Variants in CLEC4A observed in about 807,000 individuals in gnomAD.
CLEC4A encodes the protein C-type lectin domain family 4 member A.
A neutral mutation model predicts 32.7 loss-of-function variants in CLEC4A; 27 were observed. That is an observed-to-expected ratio of 0.83 (90% CI 0.61 to 1.14). The LOEUF is 1.14. CLEC4A is among the 50% of genes most tolerant of loss of function. The pLI is 0.00. For missense variants in CLEC4A, 253 were observed against 274.6 expected, an observed-to-expected ratio of 0.92 and a Z score of 0.55; for synonymous variants, 89 against 93.7, an observed-to-expected ratio of 0.95 and a Z score of 0.29.
intron 2 of CLEC4A, among the ~76,000 whole-genome samples, chr12:8,128,093 G>A (rs983363169): frequency 9.2e-5 from 14 of 152,250 alleles, no homozygotes; most frequent in Middle Eastern, 3.4e-3. Context: ...TGAGAAAGAC[G>A]GATAAGGATG....
the CLEC4A span, among the ~76,000 whole-genome samples, chr12:8,103,747 T>C: frequency 2.8e-3 from 422 of 152,300 alleles, no homozygotes; most frequent in African/African-American, 9.6e-3. Flanking sequence ...TTTTTCTGCC[T>C]AGAATACCTT....
At chr12:8,107,121 T>C in the CLEC4A span, among the ~76,000 whole-genome samples, 3 of 152,248 alleles carry the variant, frequency 2.0e-5, no homozygotes, top group African/African-American at 7.2e-5. Flanking sequence ...TTTTTGCATC[T>C]ATTTAGATGA....
At chr12:8,123,608 C>T (rs1947853267), upstream of CLEC4A, 1 of 293,026 alleles carries the variant, frequency 3.4e-6, no homozygotes, top group Non-Finnish European at 6.3e-6. Flanking sequence ...ACTTTTATTG[C>T]ATTTGCTTGC....
Position 8,125,631 on chromosome 12 carries a change from G to C in CLEC4A, c.153G>C (p.Leu51Phe). 6.2e-7 allele frequency: 1 copy of C among 1,613,358 alleles called. No individual in the cohort carries two copies. The highest frequency in any genetic ancestry group is 1.1e-5 in the South Asian group (1 of 91,036). The change falls in exon 2 of 6, where the codon TTG (leucine) becomes TTC (phenylalanine). Residue 51 changes from leucine (L) to phenylalanine (F), a missense_variant. Leu to Phe is a conservative substitution (Grantham distance 22). Transcript: ENST00000229332. ...GFPKLLCASL[L>F]IFFLLLAISF... The stretch of plus-strand genomic sequence containing the variant: ...CCAAGCTGCTTTGTGCCTCACTGTT[G>C]ATATTTTTCCTGCTATTGGCAATCT...
intron 3 of CLEC4A, chr12:8,133,626 A>G: frequency 1.2e-6 from 1 of 837,232 alleles, no homozygotes; most frequent in Non-Finnish European, 1.9e-6. Context: ...GTTGCCCCAA[A>G]CTCCCCTGCC....
At chr12:8,131,820 A>C (rs1021026548) in intron 3 of CLEC4A, among the ~76,000 whole-genome samples, 7 of 57,358 alleles carry the variant, frequency 1.2e-4, no homozygotes, top group East Asian at 9.7e-4. Flanking sequence ...GGAGATATAT[A>C]TATCTATATA....
At chr12:8,135,047 C>CTTTTTT (rs1187858911) in intron 3 of CLEC4A, among the ~76,000 whole-genome samples, 5 of 9,028 alleles carry the variant, frequency 5.5e-4, no homozygotes, top group African/African-American at 1.3e-3. Flanking sequence ...ATTTTATTAT[C>CTTTTTT]TTTTTTTTTT....
At position 8,131,831 on chromosome 12, in the gene CLEC4A, T is replaced by TATATATATATAG. The variant is rs1441490289; in HGVS notation, c.298+2477_298+2478insATAGATATATAT. On this transcript the variant is annotated intron_variant, in intron 3 of 5. Transcript: ENST00000229332. The stretch of plus-strand genomic sequence containing the variant: ...TCATGGAGATATATATATCTATATA[T>TATATATATATAG]ATATATATCTCTTCAACTTTTAAGT... Among the ~76,000 whole-genome samples the TATATATATATAG allele has an allele frequency of 9.3e-5, 14 of 150,704 alleles. No homozygotes were observed. In the South Asian group the frequency reaches 2.9e-3, roughly 32 times the overall value.
At chr12:8,133,071 T>A (rs1010328292) in intron 3 of CLEC4A, among the ~76,000 whole-genome samples, 5 of 152,104 alleles carry the variant, frequency 3.3e-5, no homozygotes, top group African/African-American at 1.2e-4. Flanking sequence ...TGCGCCACCA[T>A]GCCCTGCTAA....
At chr12:8,127,477 G>C (rs1253655959) in intron 2 of CLEC4A, among the ~76,000 whole-genome samples, 1 of 152,186 alleles carries the variant, frequency 6.6e-6, no homozygotes. Context: ...TGTAGATACA[G>C]GGTATGTTGA....
the CLEC4A span, among the ~76,000 whole-genome samples, chr12:8,108,895 C>T: frequency 6.6e-6 from 1 of 152,098 alleles, no homozygotes; most frequent in Non-Finnish European, 1.5e-5. Context: ...TTTCTTTGTT[C>T]CTACTATTTG....
intron 3 of CLEC4A, among the ~76,000 whole-genome samples, chr12:8,135,176 G>A (rs1480195827): frequency 6.9e-6 from 1 of 144,100 alleles, no homozygotes; most frequent in African/African-American, 2.6e-5. Flanking sequence ...GTGAGCCACC[G>A]TGCCCGGCCC....
chr12:8,135,411 T>G (rs981461261), intron 3 of CLEC4A, among the ~76,000 whole-genome samples, 174 bp from the exon 4 acceptor site: 2 of 152,144 alleles, frequency 1.3e-5, no homozygotes, highest in African/African-American at 2.4e-5. Flanking sequence ...ACTGCCTGAT[T>G]GAGGTAGACT....
At chr12:8,137,977 A>G (rs1415079553) in intron 5 of CLEC4A, among the ~76,000 whole-genome samples, 163 bp from the exon 6 acceptor site, 1 of 152,176 alleles carries the variant, frequency 6.6e-6, no homozygotes, top group Non-Finnish European at 1.5e-5. Context: ...AAATGCCGGA[A>G]ATGCAGATGG....
chr12:8,117,632 A>T, the CLEC4A span, among the ~76,000 whole-genome samples: 1 of 152,134 alleles, frequency 6.6e-6, no homozygotes, highest in East Asian at 1.9e-4. Context: ...CATGGCAAGG[A>T]CTACCAAGTC....
chr12:8,129,089 A>G (rs1947949452), intron 2 of CLEC4A, among the ~76,000 whole-genome samples, 175 bp from the exon 3 acceptor site: 1 of 152,090 alleles, frequency 6.6e-6, no homozygotes, highest in African/African-American at 2.4e-5. Context: ...CCAACTACTG[A>G]TCTTTCAGCT....
intron 3 of CLEC4A, among the ~76,000 whole-genome samples, chr12:8,130,277 T>C (rs1445577218): frequency 6.6e-6 from 1 of 152,238 alleles, no homozygotes; most frequent in African/African-American, 2.4e-5. Context: ...TTGCTCTTTT[T>C]TTCACATATC....
chr12:8,103,376 GTTT>G, the CLEC4A span, among the ~76,000 whole-genome samples: 734 of 56,370 alleles, frequency 0.013, 1 homozygote, highest in Non-Finnish European at 0.019. Context: ...TCTTTCTGTT[GTTT>G]TTTTTTTTTT....
At chr12:8,112,709 G>A in the CLEC4A span, among the ~76,000 whole-genome samples, 2 of 151,888 alleles carry the variant, frequency 1.3e-5, no homozygotes, top group Non-Finnish European at 2.9e-5. Flanking sequence ...TTTTGCATTT[G>A]CCTTTTCTAA....
Sources: gnomAD v4.1 joint callset for allele counts (sites outside exome capture counted in the v4.1 genomes callset) on GRCh38, gnomAD v4.1.1 for gene constraint, MANE v1.5 for transcripts, NCBI Gene and HGNC (gene_info 2026-07-23, HGNC 2026-07-21) for gene names.